PBX3: variants seen among roughly 807,000 people sequenced by gnomAD.
PBX3 encodes pre-B-cell leukemia transcription factor 3.
In PBX3, 14 loss-of-function variants were observed where a neutral mutation model predicts 48.5. The observed-to-expected ratio is 0.29, with a 90% CI of 0.19 to 0.45. The LOEUF is 0.45. Among genes scored for constraint, PBX3 ranks in the 20% least tolerant of loss-of-function variants. The probability of loss-of-function intolerance (pLI) is 1.00; values close to 1 mark genes in which losing one functional copy is unlikely to be tolerated. For missense variants in PBX3, 386 were observed against 546.7 expected (o/e 0.71, Z 2.93); for synonymous variants, 210 against 200.3 (o/e 1.05, Z -0.41).
chr9:125,905,261 G>A (rs564286888), intron 2 of PBX3, among the ~76,000 whole-genome samples: 1 of 151,918 alleles, frequency 6.6e-6, no homozygotes, highest in Admixed American at 6.6e-5. Flanking sequence ...TTGTTTATCT[G>A]CCCATTTGTG....
chr9:125,955,162 C>T lies in PBX3; in HGVS notation c.844-5522C>T, dbSNP rs904867340. Among the ~76,000 whole-genome samples, 7 of 113,198 alleles carry T rather than the reference C, an allele frequency of 6.2e-5. No individual in the cohort carries two copies. In the East Asian group the frequency reaches 2.1e-3, roughly 34 times the overall value. The allele number at this position is 113,198 out of a possible 152,430, so 74.3% of individuals were successfully genotyped here. Reference sequence around the variant, plus strand: ...CAGCCTCACTGGAACCCTTTCTGAACTCCACTGCTATAGATCTCAGGCTCC... The same window carrying T: ...CAGCCTCACTGGAACCCTTTCTGAATTCCACTGCTATAGATCTCAGGCTCC... On this transcript the variant is annotated intron_variant, in intron 5 of 8. Transcript: ENST00000373489.
intron 2 of PBX3, among the ~76,000 whole-genome samples, chr9:125,841,078 G>A (rs1175430871): frequency 6.6e-6 from 1 of 152,074 alleles, no homozygotes; most frequent in Non-Finnish European, 1.5e-5. Context: ...ACTATGAATA[G>A]CCTCTTTGCA....
chr9:125,955,934 C>A (rs531606676), intron 5 of PBX3, among the ~76,000 whole-genome samples: 14 of 152,182 alleles, frequency 9.2e-5, no homozygotes, highest in African/African-American at 3.4e-4. Context: ...AGCAGATGCT[C>A]GGTAAGCATT....
At chr9:125,780,343 C>T (rs1260210366) in intron 2 of PBX3, among the ~76,000 whole-genome samples, 6 of 140,790 alleles carry the variant, frequency 4.3e-5, no homozygotes, top group African/African-American at 1.3e-4. Flanking sequence ...ACCTCCCGGA[C>T]GGGGCGGCTG....
intron 2 of PBX3, among the ~76,000 whole-genome samples, chr9:125,870,378 A>T (rs971724184): frequency 6.6e-6 from 1 of 152,104 alleles, no homozygotes; most frequent in South Asian, 2.1e-4. Context: ...TGAAAGACTC[A>T]TCTTACATGG....
chr9:125,902,792 A>G (rs1051331897), intron 2 of PBX3, among the ~76,000 whole-genome samples: 2 of 151,716 alleles, frequency 1.3e-5, no homozygotes, highest in Admixed American at 6.6e-5. Context: ...TAATTACTGT[A>G]CATGTTGTGA....
chr9:125,956,537 C>T (rs979798020), intron 5 of PBX3, among the ~76,000 whole-genome samples: 1 of 152,184 alleles, frequency 6.6e-6, no homozygotes, highest in Non-Finnish European at 1.5e-5. Context: ...TCAGGCTGCT[C>T]CTTGGCCTTG....
chr9:125,865,180 G>T (rs2085635166), intron 2 of PBX3: 2 of 167,732 alleles, frequency 1.2e-5, no homozygotes, highest in South Asian at 4.1e-4. Context: ...TGGATTGGTT[G>T]ATTTCATAAT....
chr9:125,829,599 A>G (rs1324277277), intron 2 of PBX3, among the ~76,000 whole-genome samples: 1 of 152,158 alleles, frequency 6.6e-6, no homozygotes, highest in Non-Finnish European at 1.5e-5. Flanking sequence ...TTCATTTTTA[A>G]TATTTCCTCC....
chr9:125,864,245 G>C (rs1161933899), intron 2 of PBX3, among the ~76,000 whole-genome samples: 2 of 152,128 alleles, frequency 1.3e-5, no homozygotes, highest in Non-Finnish European at 2.9e-5. Context: ...TGAGGGACCA[G>C]CATCAAGATA....
intron 2 of PBX3, among the ~76,000 whole-genome samples, chr9:125,803,913 G>T (rs1183308005): frequency 1.3e-5 from 2 of 152,158 alleles, no homozygotes; most frequent in Non-Finnish European, 2.9e-5. Context: ...GTGCTAGCCT[G>T]GTTTGCTAGC....
chr9:125,901,153 A>C lies in PBX3; in HGVS notation c.275-14533A>C, dbSNP rs146328531. On this transcript the variant is annotated intron_variant, in intron 2 of 8. Coordinates refer to ENST00000373489, the MANE Select transcript of PBX3 (RefSeq NM_006195.6). ...TATTTCAATTAGTTTTCTTATCTCA[A>C]GTTGATGTGATATCTACCCGCTTCC... Among the ~76,000 whole-genome samples, 389 of 151,830 alleles carry C rather than the reference A, an allele frequency of 2.6e-3. 1 individual carries two copies. The highest frequency in any genetic ancestry group is 8.9e-3 in the African/African-American group (369 of 41,506).
chr9:125,878,455 T>C (rs1184789506), intron 2 of PBX3, among the ~76,000 whole-genome samples: 1 of 152,258 alleles, frequency 6.6e-6, no homozygotes, highest in Non-Finnish European at 1.5e-5. Context: ...AGCAGCTGAC[T>C]GGGTGTATAC....
At chr9:125,846,339 G>A (rs1172092687) in intron 2 of PBX3, among the ~76,000 whole-genome samples, 2 of 151,944 alleles carry the variant, frequency 1.3e-5, no homozygotes, top group Non-Finnish European at 2.9e-5. Flanking sequence ...ATTCACATAA[G>A]ACATAAAATT....
At chr9:125,833,730 C>T (rs763572924) in intron 2 of PBX3, among the ~76,000 whole-genome samples, 7 of 152,090 alleles carry the variant, frequency 4.6e-5, no homozygotes, top group Non-Finnish European at 1.0e-4. Context: ...TCAAAGGAGG[C>T]TTGCAGAGTA....
At chr9:125,781,535 AGGGAGAGGGGAGAG>A (rs1169626264) in intron 2 of PBX3, among the ~76,000 whole-genome samples, 5 of 70,760 alleles carry the variant, frequency 7.1e-5, no homozygotes, top group African/African-American at 1.1e-4. Context: ...GGTGACCGAG[AGGGAGAGGGGAGAG>A]GGGAGAGGGG....
At chr9:125,819,531 A>C (rs1317370253) in intron 2 of PBX3, among the ~76,000 whole-genome samples, 1 of 152,172 alleles carries the variant, frequency 6.6e-6, no homozygotes, top group Non-Finnish European at 1.5e-5. Flanking sequence ...ATCTCAAAAA[A>C]AAGAAAAAAA....
At chr9:125,804,851 G>T (rs893842278) in intron 2 of PBX3, among the ~76,000 whole-genome samples, 1 of 151,910 alleles carries the variant, frequency 6.6e-6, no homozygotes, top group Admixed American at 6.6e-5. Flanking sequence ...GGCGGCTGAG[G>T]CAGGAGAATT....
chr9:125,793,362 AAAAAATATAT>A (rs1390767474), intron 2 of PBX3, among the ~76,000 whole-genome samples: 4 of 65,652 alleles, frequency 6.1e-5, no homozygotes, highest in African/African-American at 2.3e-4. Context: ...GGGGGGAAAA[AAAAAATATAT>A]ATATATATAT....
Sources: allele counts gnomAD v4.1 joint callset (sites outside exome capture counted in the v4.1 genomes callset), GRCh38; gene constraint gnomAD v4.1.1; transcripts MANE v1.5; gene names NCBI Gene and HGNC (gene_info 2026-07-23, HGNC 2026-07-21).